The following ISCA1 variants were observed in gnomAD, a reference collection of about 807,000 sequenced individuals.
ISCA1 encodes the protein iron-sulfur cluster assembly 1 homolog, mitochondrial.
In ISCA1, 9 loss-of-function variants were observed where a neutral mutation model predicts 14.7. That is an observed-to-expected ratio of 0.61 (90% confidence interval 0.37 to 1.07). The LOEUF is 1.07. Ranked by LOEUF, ISCA1 falls within the 50% of genes least tolerant of loss-of-function variation. ISCA1 has a pLI of 0.01. For synonymous variants in ISCA1, 38 were observed against 54.3 expected (o/e 0.70, Z 1.32); for missense variants, 102 against 150.1 (o/e 0.68, Z 1.67).
Position 86,265,807 on chromosome 9 carries a change from G to A in ISCA1, c.*236C>T. The A allele has an allele frequency of 1.6e-6, 1 of 644,224 alleles. No homozygotes were observed. Among genetic ancestry groups the A allele is most frequent in the East Asian group, 3.0e-5 (1 of 33,528 alleles). The allele number at this position is 644,224 out of a possible 1,614,324, so 39.9% of individuals were successfully genotyped here. ...CCAGGAAGGCAACTTTAATGAAACT[G>A]GTTCTAAAACAAAGGATACAAGAGA... On this transcript the variant is annotated 3_prime_UTR_variant, in exon 4 of 4. Transcript: ENST00000375991.
At chr9:86,273,776 G>C (rs777443446) in intron 2 of ISCA1, among the ~76,000 whole-genome samples, 16 of 152,152 alleles carry the variant, frequency 1.1e-4, no homozygotes, top group Admixed American at 5.2e-4. Flanking sequence ...CTCCGTATCG[G>C]TGGGTTCCAC....
chr9:86,265,756 A>G lies in ISCA1; in HGVS notation c.*287T>C, dbSNP rs1230481341. On this transcript the variant is annotated 3_prime_UTR_variant, in exon 4 of 4. Coordinates refer to ENST00000375991, the MANE Select transcript of ISCA1 (RefSeq NM_030940.4). ...CAATAGCGATCTAAGGAGTGCACAC[A>G]GTTCAGGAAATGGATAAACAGGTGC... 31 of 468,346 alleles carry G rather than the reference A, an allele frequency of 6.6e-5. No homozygotes were observed. Among genetic ancestry groups the G allele is most frequent in the Non-Finnish European group, 1.2e-4 (31 of 249,366 alleles). 29.0% of individuals were successfully genotyped at this position (468,346 alleles called of 1,614,324 possible).
rs1239435367 is a variant in ISCA1 at position 86,266,203 on chromosome 9, G to T, written c.242-12C>A. ...GAATACTCTGACTCCTTGGAGAAAA[G>T]AAAACATGTGTCATGGAAAGCCTGC... On this transcript the variant is annotated splice_polypyrimidine_tract_variant and intron_variant, in intron 3 of 3. Coordinates refer to ENST00000375991, the MANE Select transcript of ISCA1 (RefSeq NM_030940.4). The T allele has an allele frequency of 6.3e-7, 1 of 1,594,938 alleles. No individual in the cohort carries two copies. The highest frequency in any genetic ancestry group is 1.4e-5 in the African/African-American group (1 of 73,926).
At position 86,282,422 on chromosome 9, in the gene ISCA1, C is replaced by T. The variant is rs761430493; in HGVS notation, c.37G>A (p.Val13Met). Residue 13 changes from valine to methionine, a missense_variant, in exon 1 of 4, where the codon GTG (valine) becomes ATG (methionine). Physicochemically the swap from Val to Met is conservative, Grantham distance 21 (BLOSUM62 1). Coordinates refer to ENST00000375991, the MANE Select transcript of ISCA1 (RefSeq NM_030940.4). ...ASLVRATVRA[V>M]SKRKLQPTRA... ...GTGGGCTGCAGCTTCCTCTTGCTCA[C>T]AGCCCGGACAGTTGCCCGGACTAAG... is the stretch of plus-strand genomic sequence containing the variant. 73 of 1,555,654 alleles carry T rather than the reference C, an allele frequency of 4.7e-5. No homozygotes were observed. The African/African-American group carries it at 7.5e-4, about 16-fold the overall frequency.
chr9:86,267,662 A>C (rs1369178472), intron 3 of ISCA1: 1 of 816,798 alleles, frequency 1.2e-6, no homozygotes, highest in African/African-American at 1.9e-5. Context: ...TTGATAATAC[A>C]GCTCCACTAA....
chr9:86,276,779 G>A (rs1403553301), intron 1 of ISCA1, among the ~76,000 whole-genome samples: 1 of 142,942 alleles, frequency 7.0e-6, no homozygotes, highest in African/African-American at 2.6e-5. Flanking sequence ...GCTGACGCAT[G>A]AGAATCGCTT....
At position 86,264,868 on chromosome 9, in the gene ISCA1, T is replaced by C. The variant is rs1476712198; in HGVS notation, c.*1175A>G. 1 of 152,078 alleles carries C rather than the reference T, an allele frequency of 6.6e-6. No individual in the cohort carries two copies. Among genetic ancestry groups the C allele is most frequent in the African/African-American group, 2.4e-5 (1 of 41,408 alleles). The allele number at this position is 152,078 out of a possible 1,614,324, so 9.4% of individuals were successfully genotyped here. On this transcript the variant is annotated 3_prime_UTR_variant, in exon 4 of 4. Coordinates refer to ENST00000375991, the MANE Select transcript of ISCA1 (RefSeq NM_030940.4). ...CAAAAGGAACACTTTTAAAGAAAAGTTGGTGATAAATATGTTAGGCTAAAA... is the reference window on the plus strand; with the variant it reads ...CAAAAGGAACACTTTTAAAGAAAAGCTGGTGATAAATATGTTAGGCTAAAA...
intron 1 of ISCA1, among the ~76,000 whole-genome samples, chr9:86,276,064 A>G (rs1014239031): frequency 3.3e-5 from 5 of 152,146 alleles, no homozygotes; most frequent in African/African-American, 1.2e-4. Flanking sequence ...ATTACATTGT[A>G]ATATATAATG....
chr9:86,279,165 G>A (rs1161866877), intron 1 of ISCA1, among the ~76,000 whole-genome samples: 2 of 152,148 alleles, frequency 1.3e-5, no homozygotes, highest in Non-Finnish European at 2.9e-5. Context: ...CTTCTCAACT[G>A]GACTCCAATA....
At position 86,266,019 on chromosome 9, in the gene ISCA1, T is replaced by G. The variant is rs765007446; in HGVS notation, c.*24A>C. On this transcript the variant is annotated 3_prime_UTR_variant, in exon 4 of 4. Coordinates refer to ENST00000375991, the MANE Select transcript of ISCA1 (RefSeq NM_030940.4). Reference sequence around the variant, plus strand: ...AGCTTCCACGAGCTTTCCTGGAACCTACGGCCAGAAGAGTCCTGAGATTTC... The same window carrying G: ...AGCTTCCACGAGCTTTCCTGGAACCGACGGCCAGAAGAGTCCTGAGATTTC... 6.2e-7 allele frequency: 1 copy of G among 1,611,820 alleles called. No individual in the cohort carries two copies. Among genetic ancestry groups the G allele is most frequent in the Non-Finnish European group, 8.5e-7 (1 of 1,179,822 alleles).
At chr9:86,268,940 G>A (rs926433613) in intron 3 of ISCA1, among the ~76,000 whole-genome samples, 4 of 151,512 alleles carry the variant, frequency 2.6e-5, no homozygotes, top group African/African-American at 7.3e-5. Context: ...GACTACAGGC[G>A]TGTGCCACCA....
intron 1 of ISCA1, among the ~76,000 whole-genome samples, chr9:86,278,185 G>A (rs1435354804): frequency 1.3e-5 from 2 of 151,914 alleles, no homozygotes; most frequent in Non-Finnish European, 2.9e-5. Flanking sequence ...AATTTTCTGG[G>A]GGAACAAAAG....
At chr9:86,276,371 T>C (rs1180795006) in intron 1 of ISCA1, among the ~76,000 whole-genome samples, 2 of 152,196 alleles carry the variant, frequency 1.3e-5, no homozygotes, top group Admixed American at 6.5e-5. Context: ...TAACAGGCCA[T>C]GGACCAGTAC....
intron 1 of ISCA1, among the ~76,000 whole-genome samples, chr9:86,274,855 A>G (rs1825420894): frequency 6.6e-6 from 1 of 152,204 alleles, no homozygotes. Flanking sequence ...ATCTAGATGA[A>G]CAAAACTAAG....
chr9:86,279,276 T>C (rs1031838429), intron 1 of ISCA1, among the ~76,000 whole-genome samples: 3 of 152,240 alleles, frequency 2.0e-5, no homozygotes, highest in Non-Finnish European at 4.4e-5. Context: ...TGAGTTTTAA[T>C]GCACAGCTGT....
intron 1 of ISCA1, among the ~76,000 whole-genome samples, chr9:86,280,466 G>C (rs1825495543): frequency 6.6e-6 from 1 of 151,750 alleles, no homozygotes; most frequent in African/African-American, 2.4e-5. Flanking sequence ...CATGGTGGTG[G>C]GCGTCTGTAA....
Position 86,264,568 on chromosome 9 carries a change from CA to C in ISCA1, c.*1474del, listed in dbSNP as rs1352446678. ...CAATTTTATGATCACAAAGAGGCCA[CA>C]TTTTTTTTAATTGACAACTCAATCT... On this transcript the variant is annotated 3_prime_UTR_variant, in exon 4 of 4. Coordinates refer to ENST00000375991, the MANE Select transcript of ISCA1 (RefSeq NM_030940.4). 6.6e-6 allele frequency: 1 copy of C among 152,336 alleles called. No homozygotes were observed. The highest frequency in any genetic ancestry group is 2.4e-5 in the African/African-American group (1 of 41,270). 9.4% of individuals were successfully genotyped at this position (152,336 alleles called of 1,614,324 possible).
Position 86,273,431 on chromosome 9 carries a change from T to C in ISCA1, c.135+758A>G, listed in dbSNP as rs116526861. The stretch of plus-strand genomic sequence containing the variant: ...ACACTAAATAGTTGCTGAATGGTGT[T>C]TGCGGCAGCACTGAATGAAAACGAC... On this transcript the variant is annotated intron_variant, in intron 2 of 3. Coordinates refer to ENST00000375991, the MANE Select transcript of ISCA1 (RefSeq NM_030940.4). 8.0e-3 allele frequency among the ~76,000 whole-genome samples: 1,224 copies of C among 152,302 alleles called. 17 individuals are homozygous for C. Among genetic ancestry groups the C allele is most frequent in the African/African-American group, 0.027 (1,136 of 41,562 alleles).
intron 3 of ISCA1, chr9:86,267,729 AGGC>A: frequency 3.3e-6 from 1 of 301,096 alleles, no homozygotes; most frequent in Non-Finnish European, 4.9e-6. Context: ...GCTACTTGGG[AGGC>A]TGAGGTGGGA....
Sources: gnomAD v4.1 joint callset for allele counts (sites outside exome capture counted in the v4.1 genomes callset) on GRCh38, gnomAD v4.1.1 for gene constraint, MANE v1.5 for transcripts, NCBI Gene and HGNC (gene_info 2026-07-23, HGNC 2026-07-21) for gene names.